The following GALNT17 variants were observed in gnomAD, a reference collection of about 807,000 sequenced individuals.
The protein encoded by GALNT17 is UDP-GalNAc:polypeptide N-acetylgalactosaminyltransferase-like 3.
GALNT17 carries 29 observed loss-of-function variants against 63.7 expected under a neutral mutation model. The observed-to-expected ratio is 0.46, with a 90% CI of 0.34 to 0.62. GALNT17 has a LOEUF of 0.62. Ranked by LOEUF, GALNT17 falls within the 20% of genes least tolerant of loss-of-function variation. The pLI is 0.01. For synonymous variants in GALNT17, 305 were observed against 318.3 expected, an observed-to-expected ratio of 0.96 and a Z score of 0.45; for missense variants, 603 against 799.6, an observed-to-expected ratio of 0.75 and a Z score of 2.97.
intron 1 of GALNT17, among the ~76,000 whole-genome samples, chr7:71,187,446 G>A (rs557550335): frequency 6.6e-5 from 10 of 152,054 alleles, no homozygotes; most frequent in Non-Finnish European, 8.8e-5. Flanking sequence ...GAGAGGAACC[G>A]GTGGAAATTT....
intron 5 of GALNT17, among the ~76,000 whole-genome samples, chr7:71,497,391 C>T (rs1046877981): frequency 6.6e-6 from 1 of 152,194 alleles, no homozygotes; most frequent in Non-Finnish European, 1.5e-5. Flanking sequence ...CTCTCCTTGG[C>T]TTGTCGAAGG....
intron 1 of GALNT17, among the ~76,000 whole-genome samples, chr7:71,240,641 C>T (rs916170961): frequency 2.0e-5 from 3 of 151,726 alleles, no homozygotes; most frequent in Admixed American, 1.3e-4. Context: ...TATTCCATGG[C>T]GTATACGTAC....
intron 1 of GALNT17, among the ~76,000 whole-genome samples, chr7:71,318,851 A>G (rs1791549286): frequency 6.6e-6 from 1 of 152,160 alleles, no homozygotes. Flanking sequence ...TCCCAAGAAC[A>G]ATAAATTCAG....
At chr7:71,571,009 A>G (rs1235592384) in intron 5 of GALNT17, among the ~76,000 whole-genome samples, 1 of 152,130 alleles carries the variant, frequency 6.6e-6, no homozygotes, top group Non-Finnish European at 1.5e-5. Context: ...AAACAGCCTT[A>G]CAGAGTAACA....
intron 9 of GALNT17, among the ~76,000 whole-genome samples, chr7:71,688,786 C>A (rs1791399265): frequency 6.6e-6 from 1 of 152,116 alleles, no homozygotes; most frequent in African/African-American, 2.4e-5. Flanking sequence ...GTAGCAATTC[C>A]ATGCCATCAG....
intron 6 of GALNT17, among the ~76,000 whole-genome samples, chr7:71,593,764 C>T (rs1789846233): frequency 6.6e-6 from 1 of 152,212 alleles, no homozygotes. Context: ...ATGCATTGTG[C>T]GTTGGACAAC....
At chr7:71,348,751 C>T (rs1050007264) in intron 2 of GALNT17, among the ~76,000 whole-genome samples, 2 of 152,226 alleles carry the variant, frequency 1.3e-5, no homozygotes, top group African/African-American at 4.8e-5. Flanking sequence ...CAGATGAGAG[C>T]TGCAGGAGGG....
In GALNT17 at chr7:71,495,901, C is replaced by T. The variant is rs184581699; in HGVS notation, c.962+74796C>T. ...GAAGTCCAGGGATCAGCAGGTGCCACCAGGGCAGATGTAAATGATGTCCTT... is the reference window on the plus strand; with the variant it reads ...GAAGTCCAGGGATCAGCAGGTGCCATCAGGGCAGATGTAAATGATGTCCTT... On this transcript the variant is annotated intron_variant, in intron 5 of 10. Transcript: ENST00000333538. Among the ~76,000 whole-genome samples the T allele has an allele frequency of 3.0e-3, 455 of 152,204 alleles. 3 individuals are homozygous for T. Among genetic ancestry groups the T allele is most frequent in the Middle Eastern group, 0.01 (3 of 294 alleles).
chr7:71,152,962 A>G (rs1203885890), intron 1 of GALNT17, among the ~76,000 whole-genome samples: 1 of 152,114 alleles, frequency 6.6e-6, no homozygotes, highest in Non-Finnish European at 1.5e-5. Context: ...GTTCACAGGT[A>G]TTTCTCAGGG....
At chr7:71,649,326 A>C (rs1790722937) in intron 6 of GALNT17, among the ~76,000 whole-genome samples, 1 of 152,208 alleles carries the variant, frequency 6.6e-6, no homozygotes, top group Non-Finnish European at 1.5e-5. Flanking sequence ...TAACACACCA[A>C]TACACCAAAA....
chr7:71,457,043 AGT>A (rs1787367849), intron 5 of GALNT17, among the ~76,000 whole-genome samples: 1 of 152,210 alleles, frequency 6.6e-6, no homozygotes, highest in Admixed American at 6.5e-5. Context: ...AGTCTGGCTC[AGT>A]GTGTCTGCAT....
intron 6 of GALNT17, among the ~76,000 whole-genome samples, chr7:71,586,235 G>A (rs1455442378): frequency 1.3e-5 from 2 of 152,108 alleles, no homozygotes; most frequent in Non-Finnish European, 2.9e-5. Context: ...GATTAGTTGT[G>A]TCTGTTCCAG....
At chr7:71,711,963 C>A (rs776499301) in intron 10 of GALNT17, 55 bp from the exon 11 acceptor site, 71 of 1,586,208 alleles carry the variant, frequency 4.5e-5, no homozygotes, top group Non-Finnish European at 5.7e-5. Context: ...ATATCTCTCG[C>A]TGTCTCTCTC....
At chr7:71,393,074 A>G (rs1189458085) in intron 3 of GALNT17, among the ~76,000 whole-genome samples, 1 of 151,350 alleles carries the variant, frequency 6.6e-6, no homozygotes, top group African/African-American at 2.4e-5. Context: ...TTTTATAATG[A>G]CTCTTCCTTC....
At chr7:71,312,733 T>G (rs1294823211) in intron 1 of GALNT17, among the ~76,000 whole-genome samples, 2 of 152,146 alleles carry the variant, frequency 1.3e-5, no homozygotes, top group African/African-American at 4.8e-5. Flanking sequence ...GTCACCTGTT[T>G]AAAGAGCTCA....
At chr7:71,429,150 C>T (rs1287279740) in intron 5 of GALNT17, among the ~76,000 whole-genome samples, 1 of 152,088 alleles carries the variant, frequency 6.6e-6, no homozygotes, top group Non-Finnish European at 1.5e-5. Context: ...CCAGTGTGGA[C>T]ACGAAGAGCC....
intron 6 of GALNT17, among the ~76,000 whole-genome samples, chr7:71,640,893 C>T (rs1261550812): frequency 6.6e-6 from 1 of 151,844 alleles, no homozygotes; most frequent in Non-Finnish European, 1.5e-5. Context: ...AAGGGATCCA[C>T]AGTTTTCACC....
intron 5 of GALNT17, among the ~76,000 whole-genome samples, chr7:71,537,808 GT>G (rs1020062559): frequency 6.6e-6 from 1 of 152,064 alleles, no homozygotes; most frequent in Non-Finnish European, 1.5e-5. Flanking sequence ...GTGAGACACT[GT>G]CTCAAAAAAA....
chr7:71,707,971 C>A (rs141145646), intron 9 of GALNT17, among the ~76,000 whole-genome samples: 1 of 152,170 alleles, frequency 6.6e-6, no homozygotes, highest in African/African-American at 2.4e-5. Flanking sequence ...GAAGGAATAG[C>A]GGAGGATGTG....
Sources: gnomAD v4.1 joint callset for allele counts (sites outside exome capture counted in the v4.1 genomes callset) on GRCh38, gnomAD v4.1.1 for gene constraint, MANE v1.5 for transcripts, NCBI Gene and HGNC (gene_info 2026-07-23, HGNC 2026-07-21) for gene names.